TSHZ2: variants seen among roughly 807,000 people sequenced by gnomAD.
The protein encoded by TSHZ2 is teashirt zinc finger homeobox 2.
TSHZ2 carries 21 observed loss-of-function variants against 74.4 expected under a neutral mutation model. The observed-to-expected ratio is 0.28, with a 90% CI of 0.20 to 0.41. The LOEUF (loss-of-function observed/expected upper bound fraction) is 0.41. TSHZ2 is among the 10% of genes least tolerant of loss of function. The pLI, the probability that TSHZ2 is intolerant of heterozygous loss-of-function variation, is 1.00. For missense variants in TSHZ2, 1,244 were observed against 1,293.5 expected (o/e 0.96, Z 0.59); for synonymous variants, 540 against 515.3 (o/e 1.05, Z -0.65).
chr20:53,269,115 G>T (rs1990776681), intron 2 of TSHZ2, among the ~76,000 whole-genome samples: 1 of 152,172 alleles, frequency 6.6e-6, no homozygotes, highest in Non-Finnish European at 1.5e-5. Context: ...TTGAGGATTA[G>T]GTCAGATAGT....
chr20:53,201,882 G>T (rs1568809352), intron 1 of TSHZ2, among the ~76,000 whole-genome samples: 4 of 152,168 alleles, frequency 2.6e-5, no homozygotes, highest in Admixed American at 2.0e-4. Flanking sequence ...TCCAGACATT[G>T]CCAAATGTGC....
At chr20:53,055,032 G>C (rs1191037147) in intron 1 of TSHZ2, among the ~76,000 whole-genome samples, 2 of 152,184 alleles carry the variant, frequency 1.3e-5, no homozygotes, top group East Asian at 3.8e-4. Context: ...TCAAAATGTT[G>C]ATAACTAACC....
intron 1 of TSHZ2, among the ~76,000 whole-genome samples, chr20:53,250,901 T>TTTTG (rs1990311810): frequency 6.7e-6 from 1 of 148,902 alleles, no homozygotes; most frequent in South Asian, 2.2e-4. Context: ...GGTGGGCAGA[T>TTTTG]TGTGTGTGTG....
chr20:53,175,092 C>G (rs1988296545), intron 1 of TSHZ2, among the ~76,000 whole-genome samples: 1 of 147,086 alleles, frequency 6.8e-6, no homozygotes, highest in African/African-American at 2.5e-5. Context: ...TTATAGCTCC[C>G]TGGGCTTTTT....
chr20:53,346,202 C>A (rs371700007), intron 2 of TSHZ2, among the ~76,000 whole-genome samples: 2 of 152,276 alleles, frequency 1.3e-5, no homozygotes, highest in African/African-American at 4.8e-5. Flanking sequence ...CTGAGCGCTG[C>A]GATGATTTTG....
In TSHZ2 at chr20:53,491,431, C is replaced by T. The variant is rs1005153238; in HGVS notation, c.*4296C>T. On this transcript the variant is annotated 3_prime_UTR_variant, in exon 3 of 3. Transcript: ENST00000371497. ...ATTTCCATCCCCCCAGACAGAGAGA[C>T]ATATTTCCATTGTAGGAAGGCATTA... is the stretch of plus-strand genomic sequence containing the variant. The T allele has an allele frequency of 6.6e-6, 1 of 152,168 alleles. No individual in the cohort carries two copies. The highest frequency in any genetic ancestry group is 2.4e-5 in the African/African-American group (1 of 41,442). 9.4% of individuals were successfully genotyped at this position (152,168 alleles called of 1,614,324 possible). A position where few individuals can be genotyped will look rare whatever the true frequency, so the allele number is the denominator to read the frequency against.
At chr20:53,300,902 C>T (rs560874389) in intron 2 of TSHZ2, among the ~76,000 whole-genome samples, 2 of 152,288 alleles carry the variant, frequency 1.3e-5, no homozygotes, top group African/African-American at 4.8e-5. Flanking sequence ...GATCAAATAG[C>T]TTCAAGGGTA....
At chr20:53,469,233 A>G (rs1391080373) in intron 2 of TSHZ2, among the ~76,000 whole-genome samples, 1 of 151,480 alleles carries the variant, frequency 6.6e-6, no homozygotes, top group Non-Finnish European at 1.5e-5. Context: ...GAAATAATGC[A>G]TATGTGGTGG....
chr20:53,247,489 CTA>C (rs2123707742), intron 1 of TSHZ2, among the ~76,000 whole-genome samples: 2 of 152,302 alleles, frequency 1.3e-5, no homozygotes, highest in African/African-American at 4.8e-5. Flanking sequence ...ACACTGAATC[CTA>C]TATCTCTTTA....
intron 1 of TSHZ2, among the ~76,000 whole-genome samples, chr20:53,235,140 G>A (rs565750469): frequency 8.9e-5 from 5 of 56,226 alleles, no homozygotes; most frequent in African/African-American, 4.1e-4. Flanking sequence ...GGCGGGGCGG[G>A]GGGGGGGGAA....
chr20:53,166,597 C>T (rs1988068252), intron 1 of TSHZ2, among the ~76,000 whole-genome samples: 1 of 151,938 alleles, frequency 6.6e-6, no homozygotes, highest in Non-Finnish European at 1.5e-5. Flanking sequence ...ATGGTGAAAC[C>T]CCATCTCTAA....
intron 1 of TSHZ2, among the ~76,000 whole-genome samples, chr20:53,209,560 C>T (rs1451862968): frequency 2.0e-5 from 3 of 152,208 alleles, no homozygotes; most frequent in Non-Finnish European, 4.4e-5. Flanking sequence ...TATATCAATA[C>T]TATCTAGCCG....
intron 1 of TSHZ2, among the ~76,000 whole-genome samples, chr20:53,240,759 A>ATAGATAGATAGATAGATAGATAGATAGG (rs1555839641): frequency 6.6e-6 from 1 of 151,978 alleles, no homozygotes; most frequent in African/African-American, 2.4e-5. Context: ...AGATAGATAG[A>ATAGATAGATAGATAGATAGATAGATAGG]TAGATAGATA....
At position 53,222,009 on chromosome 20, in the gene TSHZ2, G is replaced by A. The variant is rs141283550; in HGVS notation, c.41-31490G>A. Among the ~76,000 whole-genome samples, 14 of 152,252 alleles carry A rather than the reference G, an allele frequency of 9.2e-5. No individual in the cohort carries two copies. In the South Asian group the frequency reaches 2.1e-3, roughly 23 times the overall value. On this transcript the variant is annotated intron_variant, in intron 1 of 2. Transcript: ENST00000371497. ...TGACCAGGGTAATGACTTTCATACT[G>A]GCATTGTATTTTAAGGGATACATGT...
At chr20:53,154,243 C>T (rs188497792) in intron 1 of TSHZ2, among the ~76,000 whole-genome samples, 239 of 152,152 alleles carry the variant, frequency 1.6e-3, no homozygotes, top group African/African-American at 5.4e-3. Flanking sequence ...GTAGCAACTC[C>T]CCCAAAACTT....
intron 1 of TSHZ2, among the ~76,000 whole-genome samples, chr20:53,143,617 G>A (rs959595204): frequency 2.0e-5 from 3 of 152,068 alleles, no homozygotes; most frequent in Non-Finnish European, 4.4e-5. Flanking sequence ...GCGTGAACAC[G>A]GGAGGAAGAG....
intron 1 of TSHZ2, among the ~76,000 whole-genome samples, chr20:53,069,434 T>C (rs1985097396): frequency 6.6e-6 from 1 of 152,168 alleles, no homozygotes; most frequent in Admixed American, 6.5e-5. Flanking sequence ...TGATTTATCC[T>C]ATTATCTTCC....
intron 1 of TSHZ2, among the ~76,000 whole-genome samples, chr20:53,120,677 C>T (rs1006282771): frequency 1.3e-5 from 2 of 152,136 alleles, no homozygotes; most frequent in Non-Finnish European, 2.9e-5. Flanking sequence ...TGTAATACTG[C>T]TACTATTACT....
chr20:53,074,530 A>C lies in TSHZ2; in HGVS notation c.40+101197A>C, dbSNP rs961265972. 6.6e-6 allele frequency among the ~76,000 whole-genome samples: 1 copy of C among 152,214 alleles called. No homozygotes were observed. The highest frequency in any genetic ancestry group is 1.5e-5 in the Non-Finnish European group (1 of 68,038). ...TTTTTTTAAAGCTTATGATTGTTGGAAAGTTCAAGTATACACAGACTAAAC... is the reference window on the plus strand; with the variant it reads ...TTTTTTTAAAGCTTATGATTGTTGGCAAGTTCAAGTATACACAGACTAAAC... On this transcript the variant is annotated intron_variant, in intron 1 of 2. Coordinates refer to ENST00000371497, the MANE Select transcript of TSHZ2 (RefSeq NM_173485.6). The surrounding 1 kb of genome is among the most constrained non-coding windows in gnomAD (Gnocchi z 5.9).
Sources: gnomAD v4.1 joint callset for allele counts (sites outside exome capture counted in the v4.1 genomes callset) on GRCh38, gnomAD v4.1.1 for gene constraint, Gnocchi (gnomAD v3.1) non-coding constraint, MANE v1.5 for transcripts, NCBI Gene and HGNC (gene_info 2026-07-23, HGNC 2026-07-21) for gene names.